MTERF3: variants seen among roughly 807,000 people sequenced by gnomAD.
MTERF3 encodes mitochondrial transcription termination factor 3, also known as transcription termination factor 3, mitochondrial.
MTERF3 carries 40 observed loss-of-function variants against 40.5 expected under a neutral mutation model. The observed-to-expected ratio is 0.99, with a 90% CI of 0.77 to 1.29. The LOEUF (loss-of-function observed/expected upper bound fraction) is 1.29, where lower values mean the gene tolerates loss of function less well. MTERF3 is among the 50% of genes most tolerant of loss of function. The probability of loss-of-function intolerance (pLI) is 0.00; values close to 1 mark genes in which losing one functional copy is unlikely to be tolerated. For missense variants in MTERF3, 452 were observed against 478.2 expected, an observed-to-expected ratio of 0.95 and a Z score of 0.51; for synonymous variants, 158 against 166.6, an observed-to-expected ratio of 0.95 and a Z score of 0.40.
chr8:96,248,678 A>G (rs977365998), intron 4 of MTERF3, among the ~76,000 whole-genome samples: 2 of 152,204 alleles, frequency 1.3e-5, no homozygotes, highest in East Asian at 3.9e-4. Flanking sequence ...TCTACATTGT[A>G]ATGATTTTTC....
At position 96,239,594 on chromosome 8, in the gene MTERF3, T is replaced by C; in HGVS notation, c.1151A>G (p.Tyr384Cys). The change falls in exon 8 of 8, where the codon TAC (tyrosine) becomes TGC (cysteine). Residue 384 changes from tyrosine to cysteine, a missense_variant. Physicochemically the swap from Tyr to Cys is radical, Grantham distance 194. Coordinates refer to ENST00000287025, the MANE Select transcript of MTERF3 (RefSeq NM_015942.5). Reference protein sequence around the residue: ...RAQYDPAKPNYISLDKLVSIP... With the variant: ...RAQYDPAKPNCISLDKLVSIP... ...AGATACTAGTTTGTCCAAAGAGATG[T>C]AGTTAGGTTTTGCTGGATCATACTG... is the stretch of plus-strand genomic sequence containing the variant. 6.2e-7 allele frequency: 1 copy of C among 1,612,852 alleles called. No homozygotes were observed. The highest frequency in any genetic ancestry group is 8.5e-7 in the Non-Finnish European group (1 of 1,179,634).
At chr8:96,247,064 C>T (rs1393155308) in intron 4 of MTERF3, among the ~76,000 whole-genome samples, 1 of 152,106 alleles carries the variant, frequency 6.6e-6, no homozygotes, top group Non-Finnish European at 1.5e-5. Flanking sequence ...CCTCCGCCTC[C>T]CAGGTTCAAG....
At chr8:96,242,487 C>T (rs1268194797) in intron 7 of MTERF3, among the ~76,000 whole-genome samples, 1 of 152,198 alleles carries the variant, frequency 6.6e-6, no homozygotes, top group East Asian at 1.9e-4. Flanking sequence ...GAGTTCTAAT[C>T]GTGGTTCTGC....
At chr8:96,248,950 G>T (rs998788525) in intron 4 of MTERF3, among the ~76,000 whole-genome samples, 4 of 152,074 alleles carry the variant, frequency 2.6e-5, no homozygotes, top group Non-Finnish European at 5.9e-5. Flanking sequence ...AATACATGTG[G>T]CTGCATTACC....
At chr8:96,248,791 A>G (rs1272390694) in intron 4 of MTERF3, among the ~76,000 whole-genome samples, 1 of 152,258 alleles carries the variant, frequency 6.6e-6, no homozygotes, top group East Asian at 1.9e-4. Context: ...TTTTTTAAAT[A>G]TAACTTTTTA....
In MTERF3 at chr8:96,249,817, T is replaced by TA. The variant is rs1323424567; in HGVS notation, c.677+1088dup. On this transcript the variant is annotated intron_variant, in intron 4 of 7. Transcript: ENST00000287025. ...GAAATGTCATGACTGATTTGAGCTATAAGAAGAGAAGAACTGATGGGCTTT... is the reference window on the plus strand; with the variant it reads ...GAAATGTCATGACTGATTTGAGCTATAAAGAAGAGAAGAACTGATGGGCTTT... Among the ~76,000 whole-genome samples, 19 of 152,282 alleles carry TA rather than the reference T, an allele frequency of 1.2e-4. No individual in the cohort carries two copies. The East Asian group carries it at 3.7e-3, about 29-fold the overall frequency.
chr8:96,254,846 A>T (rs1420651466), intron 3 of MTERF3, among the ~76,000 whole-genome samples: 1 of 152,220 alleles, frequency 6.6e-6, no homozygotes, highest in Non-Finnish European at 1.5e-5. Context: ...ATGAGTATAC[A>T]ATTATAATAG....
intron 6 of MTERF3, among the ~76,000 whole-genome samples, chr8:96,244,685 A>G (rs1809991835): frequency 1.3e-5 from 2 of 152,248 alleles, no homozygotes; most frequent in African/African-American, 4.8e-5. Context: ...GGCATGAGCC[A>G]CCACGCCTGA....
intron 6 of MTERF3, among the ~76,000 whole-genome samples, chr8:96,245,349 G>A (rs1810001964): frequency 6.6e-6 from 1 of 152,236 alleles, no homozygotes; most frequent in African/African-American, 2.4e-5. Flanking sequence ...GGACAGTAAA[G>A]AGTGTCTGGT....
intron 2 of MTERF3, chr8:96,258,043 C>T (rs1810312674): frequency 5.8e-6 from 1 of 171,850 alleles, no homozygotes; most frequent in African/African-American, 2.4e-5. Flanking sequence ...ATGAATTTTA[C>T]TTGATATAAT....
rs1198424668 is a variant in MTERF3, at chr8:96,244,033, C to CAT, written c.943_944dup (p.Met315IlefsTer2). ...TTAACATCTTTGGGATTCTGGTGAT[C>CAT]ATATGTTGAATTTCGTTATGTTTAA... On this transcript the variant is annotated frameshift_variant, in exon 7 of 8. Coordinates refer to ENST00000287025, the MANE Select transcript of MTERF3 (RefSeq NM_015942.5). LOFTEE classifies it high-confidence loss of function. The CAT allele has an allele frequency of 6.2e-7, 1 of 1,613,564 alleles. No homozygotes were observed. The highest frequency in any genetic ancestry group is 8.5e-7 in the Non-Finnish European group (1 of 1,179,672).
chr8:96,245,534 C>T (rs1437311666), intron 6 of MTERF3, among the ~76,000 whole-genome samples: 1 of 152,160 alleles, frequency 6.6e-6, no homozygotes, highest in Non-Finnish European at 1.5e-5. Flanking sequence ...TAACACTGCC[C>T]AGGTAACAAA....
chr8:96,257,581 A>G (rs1472124899), intron 2 of MTERF3, among the ~76,000 whole-genome samples: 1 of 152,200 alleles, frequency 6.6e-6, no homozygotes, highest in East Asian at 1.9e-4. Context: ...AAGGGCTTCT[A>G]TGATTGTTTC....
intron 7 of MTERF3, among the ~76,000 whole-genome samples, chr8:96,241,828 C>CA (rs1809936649): frequency 6.6e-6 from 1 of 152,138 alleles, no homozygotes; most frequent in Non-Finnish European, 1.5e-5. Context: ...AGGTGGACTT[C>CA]AACTTTGCCT....
intron 4 of MTERF3, among the ~76,000 whole-genome samples, chr8:96,249,489 T>C (rs1475308039): frequency 6.6e-6 from 1 of 152,210 alleles, no homozygotes; most frequent in Non-Finnish European, 1.5e-5. Flanking sequence ...ATCACTCTCA[T>C]GAAGGGAAAG....
intron 7 of MTERF3, among the ~76,000 whole-genome samples, chr8:96,242,882 C>A (rs2129872645): frequency 6.6e-6 from 1 of 152,230 alleles, no homozygotes; most frequent in Admixed American, 6.5e-5. Context: ...CAGTGATATA[C>A]TGGAAAAATG....
In MTERF3 at chr8:96,246,379, C is replaced by T; in HGVS notation, c.753G>A (p.Leu251=). ...AQMVRKAPFL[L]NFSVERLDNR... is the part of the protein sequence containing the mutation. ...TATCCAGTCTTTCCACTGAAAAGTTCAGCAAAAATGGTGCTTTTCTGACCA... is the reference window on the plus strand; with the variant it reads ...TATCCAGTCTTTCCACTGAAAAGTTTAGCAAAAATGGTGCTTTTCTGACCA... Residue 251 remains leucine, a synonymous_variant, in exon 5 of 8, where the codon CTG becomes CTA. Transcript: ENST00000287025. 2 of 1,612,846 alleles carry T rather than the reference C, an allele frequency of 1.2e-6. No homozygotes were observed. Among genetic ancestry groups the T allele is most frequent in the East Asian group, 2.2e-5 (1 of 44,786 alleles).
intron 4 of MTERF3, 63 bp from the exon 5 acceptor site, chr8:96,246,517 GTCTC>G: frequency 7.1e-7 from 1 of 1,399,150 alleles, no homozygotes; most frequent in South Asian, 1.4e-5. Flanking sequence ...TTGAGATGGA[GTCTC>G]ATGCTACTTC....
chr8:96,251,855 A>C (rs1294872540), intron 3 of MTERF3, among the ~76,000 whole-genome samples: 1 of 152,244 alleles, frequency 6.6e-6, no homozygotes, highest in African/African-American at 2.4e-5. Flanking sequence ...GATGCCCATG[A>C]ACAGTAAAAT....
Sources: gnomAD v4.1 joint callset for allele counts (sites outside exome capture counted in the v4.1 genomes callset) on GRCh38, gnomAD v4.1.1 for gene constraint, MANE v1.5 for transcripts, NCBI Gene and HGNC (gene_info 2026-07-23, HGNC 2026-07-21) for gene names.